The following PABPC4L variants were observed in gnomAD, a reference collection of about 807,000 sequenced individuals.
PABPC4L encodes the protein poly(A) binding protein cytoplasmic 4 like, also known as polyadenylate-binding protein 4-like.
For synonymous variants in PABPC4L, 169 were observed against 164.1 expected, an observed-to-expected ratio of 1.03 and a Z score of -0.23; for missense variants, 452 against 451.4, an observed-to-expected ratio of 1.00 and a Z score of -0.01.
the PABPC4L span, among the ~76,000 whole-genome samples, chr4:134,149,552 T>C: frequency 6.6e-6 from 1 of 152,184 alleles, no homozygotes; most frequent in South Asian, 2.1e-4. Flanking sequence ...TGTTTACATT[T>C]CAAAGAAATT....
At chr4:134,076,778 T>C in the PABPC4L span, among the ~76,000 whole-genome samples, 1 of 152,080 alleles carries the variant, frequency 6.6e-6, no homozygotes, top group Admixed American at 6.5e-5. Context: ...GACATACCCA[T>C]ATAGATAGAT....
chr4:134,153,424 G>T, the PABPC4L span, among the ~76,000 whole-genome samples: 1 of 151,656 alleles, frequency 6.6e-6, no homozygotes, highest in Non-Finnish European at 1.5e-5. Context: ...GTCCATAAAG[G>T]TTACAAGAAA....
At chr4:134,135,096 C>G in the PABPC4L span, among the ~76,000 whole-genome samples, 4 of 152,074 alleles carry the variant, frequency 2.6e-5, no homozygotes, top group African/African-American at 9.7e-5. Context: ...CCCTACTGAA[C>G]CTCAATAGAT....
the PABPC4L span, among the ~76,000 whole-genome samples, chr4:134,054,991 G>A: frequency 6.6e-6 from 1 of 152,002 alleles, no homozygotes; most frequent in Admixed American, 6.6e-5. Flanking sequence ...TGTTGGCAGT[G>A]ATGTTTTAAT....
chr4:134,092,406 C>T, the PABPC4L span, among the ~76,000 whole-genome samples: 14 of 152,072 alleles, frequency 9.2e-5, no homozygotes, highest in African/African-American at 3.4e-4. Flanking sequence ...AGCTCCCTAT[C>T]CCACTGAGAG....
At chr4:134,035,982 C>G in the PABPC4L span, among the ~76,000 whole-genome samples, 770 of 152,078 alleles carry the variant, frequency 5.1e-3, 4 homozygotes, top group Non-Finnish European at 8.1e-3. Flanking sequence ...ATCACAAGAA[C>G]AACATGAGGA....
chr4:133,991,031 T>G, the PABPC4L span, among the ~76,000 whole-genome samples: 1 of 152,314 alleles, frequency 6.6e-6, no homozygotes, highest in South Asian at 2.1e-4. Context: ...CATCAGGTTT[T>G]GTTGATTGAA....
the PABPC4L span, among the ~76,000 whole-genome samples, chr4:133,991,135 C>A: frequency 1.3e-5 from 2 of 152,150 alleles, no homozygotes; most frequent in African/African-American, 2.4e-5. Context: ...TAACATAAGA[C>A]AAACATGAGT....
At chr4:133,985,272 T>A in the PABPC4L span, among the ~76,000 whole-genome samples, 1 of 151,972 alleles carries the variant, frequency 6.6e-6, no homozygotes, top group South Asian at 2.1e-4. Context: ...AACACCAGGT[T>A]TGAAATATAA....
chr4:134,050,790 G>C, the PABPC4L span, among the ~76,000 whole-genome samples: 1 of 147,258 alleles, frequency 6.8e-6, no homozygotes, highest in Non-Finnish European at 1.5e-5. Context: ...CAAAGGTTCA[G>C]ATGTGAGAGT....
At chr4:134,175,775 T>G in the PABPC4L span, among the ~76,000 whole-genome samples, 2 of 152,102 alleles carry the variant, frequency 1.3e-5, no homozygotes, top group African/African-American at 4.8e-5. Context: ...AAAGAAGCAA[T>G]TAATAAAATG....
At chr4:134,050,391 G>C in the PABPC4L span, among the ~76,000 whole-genome samples, 7 of 152,034 alleles carry the variant, frequency 4.6e-5, no homozygotes, top group African/African-American at 1.7e-4. Context: ...AGCATGAATG[G>C]ACACTGTAAA....
chr4:134,043,163 C>T, the PABPC4L span, among the ~76,000 whole-genome samples: 1 of 137,984 alleles, frequency 7.2e-6, no homozygotes, highest in Non-Finnish European at 1.5e-5. Context: ...CTTCCTACAC[C>T]CACACACCAT....
At chr4:133,949,614 G>A in the PABPC4L span, among the ~76,000 whole-genome samples, 10 of 152,072 alleles carry the variant, frequency 6.6e-5, no homozygotes, top group African/African-American at 2.2e-4. Flanking sequence ...CTTGACCCGA[G>A]TATAATGAGT....
chr4:134,146,402 A>T, the PABPC4L span, among the ~76,000 whole-genome samples: 1 of 152,064 alleles, frequency 6.6e-6, no homozygotes, highest in Non-Finnish European at 1.5e-5. Context: ...TCAAATACAA[A>T]TGATATGGCT....
the PABPC4L span, among the ~76,000 whole-genome samples, chr4:134,114,714 C>G: frequency 6.6e-6 from 1 of 151,746 alleles, no homozygotes; most frequent in African/African-American, 2.4e-5. Context: ...CTCACAAAAC[C>G]TATTCAAACT....
the PABPC4L span, among the ~76,000 whole-genome samples, chr4:134,001,484 C>T: frequency 6.6e-6 from 1 of 152,054 alleles, no homozygotes. Context: ...TAGTCATGAG[C>T]AGGACTTTAC....
chr4:133,980,303 C>A, the PABPC4L span, among the ~76,000 whole-genome samples: 33 of 152,190 alleles, frequency 2.2e-4, no homozygotes, highest in South Asian at 1.5e-3. Context: ...GTTTTTATTT[C>A]TCTTATTTTT....
chr4:133,955,129 G>A, the PABPC4L span, among the ~76,000 whole-genome samples: 1 of 151,836 alleles, frequency 6.6e-6, no homozygotes, highest in African/African-American at 2.4e-5. Context: ...AGGAAAAAGG[G>A]AAAGATAAAC....
Sources: allele counts gnomAD v4.1 joint callset (sites outside exome capture counted in the v4.1 genomes callset), GRCh38; gene constraint gnomAD v4.1.1; transcripts MANE v1.5; gene names NCBI Gene and HGNC (gene_info 2026-07-23, HGNC 2026-07-21).